Variants in BLTP1 observed in about 807,000 individuals in gnomAD.
BLTP1 encodes the protein bridge-like lipid transfer protein family member 1, also known as fragile site-associated protein.
chr4:122,295,200 T>A, the BLTP1 span, among the ~76,000 whole-genome samples: 2 of 152,002 alleles, frequency 1.3e-5, no homozygotes, highest in African/African-American at 4.8e-5. Context: ...CAGGATATCA[T>A]CCAGGAGAAC....
At chr4:122,203,461 C>T in the BLTP1 span, among the ~76,000 whole-genome samples, 2 of 151,772 alleles carry the variant, frequency 1.3e-5, no homozygotes, top group Non-Finnish European at 3.0e-5. Flanking sequence ...GGGTGTTTGC[C>T]TAACAACTTA....
the BLTP1 span, among the ~76,000 whole-genome samples, chr4:122,264,670 C>T: frequency 3.9e-5 from 6 of 152,074 alleles, no homozygotes; most frequent in African/African-American, 9.7e-5. Flanking sequence ...TTTTGTTATT[C>T]GTAACAAATT....
At chr4:122,291,972 T>G in the BLTP1 span, 3 of 258,840 alleles carry the variant, frequency 1.2e-5, no homozygotes, top group Admixed American at 6.7e-5. Flanking sequence ...AACAGTTTTT[T>G]TTTTTTTTTT....
At chr4:122,295,746 C>T in the BLTP1 span, among the ~76,000 whole-genome samples, 2 of 152,254 alleles carry the variant, frequency 1.3e-5, no homozygotes, top group African/African-American at 4.8e-5. Flanking sequence ...TTATCCACCA[C>T]AATCAAGTGG....
chr4:122,331,396 A>C, the BLTP1 span: 79 of 1,612,002 alleles, frequency 4.9e-5, no homozygotes, highest in East Asian at 1.6e-4. Flanking sequence ...CTGGCCAACA[A>C]CACCAGTCAA....
chr4:122,334,679 A>T, the BLTP1 span: 2 of 836,900 alleles, frequency 2.4e-6, no homozygotes, highest in South Asian at 3.9e-5. Flanking sequence ...GACTCTACAG[A>T]CTTCATATAT....
At chr4:122,202,994 T>A in the BLTP1 span, among the ~76,000 whole-genome samples, 7,580 of 152,010 alleles carry the variant, frequency 0.05, 271 homozygotes, top group Non-Finnish European at 0.075. Context: ...TTGGTCATAT[T>A]CTGTTGTTTT....
the BLTP1 span, chr4:122,246,313 T>G: frequency 6.5e-7 from 1 of 1,542,728 alleles, no homozygotes; most frequent in Non-Finnish European, 8.7e-7. Flanking sequence ...CAATTTAATA[T>G]TTAAAAATTT....
chr4:122,287,022 T>C, the BLTP1 span, among the ~76,000 whole-genome samples: 2 of 152,196 alleles, frequency 1.3e-5, no homozygotes, highest in African/African-American at 2.4e-5. Flanking sequence ...ATGTATTAGT[T>C]ATGTATTCCA....
At chr4:122,207,268 AAGAC>A in the BLTP1 span, 1 of 1,595,872 alleles carries the variant, frequency 6.3e-7, no homozygotes, top group East Asian at 2.2e-5. Flanking sequence ...GGAAAATGGT[AAGAC>A]ATTAAAAAAA....
the BLTP1 span, chr4:122,193,488 G>T: frequency 2.7e-5 from 6 of 224,288 alleles, no homozygotes; most frequent in Non-Finnish European, 4.5e-5. Context: ...TGGTTAAGAG[G>T]TATAGATTTT....
the BLTP1 span, among the ~76,000 whole-genome samples, chr4:122,157,338 C>T: frequency 1.3e-5 from 2 of 151,980 alleles, no homozygotes; most frequent in African/African-American, 4.8e-5. Context: ...CTTTAGTTAT[C>T]TAGGGTAGTG....
the BLTP1 span, among the ~76,000 whole-genome samples, chr4:122,285,985 T>C: frequency 6.6e-6 from 1 of 152,210 alleles, no homozygotes; most frequent in South Asian, 2.1e-4. Context: ...TCATAACATA[T>C]CCTTATTTGA....
At chr4:122,308,898 A>G in the BLTP1 span, among the ~76,000 whole-genome samples, 1 of 152,076 alleles carries the variant, frequency 6.6e-6, no homozygotes, top group African/African-American at 2.4e-5. Flanking sequence ...GATGGGTGGC[A>G]TTGGTATGTT....
chr4:122,208,679 G>GT, the BLTP1 span: 2 of 981,014 alleles, frequency 2.0e-6, no homozygotes, highest in Non-Finnish European at 1.2e-6. Flanking sequence ...TTATTTTGTT[G>GT]TTTTTCAATT....
the BLTP1 span, among the ~76,000 whole-genome samples, chr4:122,178,763 T>C: frequency 6.6e-6 from 1 of 152,226 alleles, no homozygotes; most frequent in East Asian, 1.9e-4. Flanking sequence ...CCCTTCTGCA[T>C]TAGTGCATAA....
chr4:122,289,538 C>T, the BLTP1 span: 6 of 984,110 alleles, frequency 6.1e-6, no homozygotes, highest in South Asian at 1.9e-4. Flanking sequence ...TTTGTCTATA[C>T]CAGATGATGG....
At chr4:122,316,971 C>A in the BLTP1 span, 1 of 691,682 alleles carries the variant, frequency 1.4e-6, no homozygotes, top group Non-Finnish European at 2.3e-6. Flanking sequence ...TTTAGTTTAT[C>A]TGTGATATCA....
the BLTP1 span, chr4:122,170,431 A>G: frequency 5.1e-6 from 5 of 972,016 alleles, no homozygotes; most frequent in African/African-American, 7.0e-5. Flanking sequence ...AGTATGATCC[A>G]TTCTCTTACA....
Sources: allele counts gnomAD v4.1 joint callset (sites outside exome capture counted in the v4.1 genomes callset), GRCh38; gene constraint gnomAD v4.1.1; transcripts MANE v1.5; gene names NCBI Gene and HGNC (gene_info 2026-07-23, HGNC 2026-07-21).